IARS1: variants seen among roughly 807,000 people sequenced by gnomAD.
The protein encoded by IARS1 is isoleucyl-tRNA synthetase 1.
Under a neutral mutation model 168.2 loss-of-function variants are expected in IARS1, and 124 were observed. The observed-to-expected ratio is 0.74, with a 90% CI of 0.64 to 0.86. The LOEUF is 0.86. Ranked by LOEUF, IARS1 falls within the 40% of genes least tolerant of loss-of-function variation. The pLI is 0.00. For synonymous variants in IARS1, 532 were observed against 529.4 expected (o/e 1.00, Z -0.07); for missense variants, 1,452 against 1,515.8 (o/e 0.96, Z 0.70).
In IARS1 at chr9:92,268,214, C is replaced by T. The variant is rs1264688669; in HGVS notation, c.1391G>A (p.Gly464Asp). The T allele has an allele frequency of 3.7e-6, 6 of 1,610,408 alleles. No individual in the cohort carries two copies. The highest frequency in any genetic ancestry group is 5.1e-6 in the Non-Finnish European group (6 of 1,179,088). ...DWTISRNRYWGTPIPLWVSDD... is the reference protein window; with the variant it reads ...DWTISRNRYWDTPIPLWVSDD... ...GCTGACCCACAGTGGGATGGGGGTG[C>T]CCCAGTATCTGTTTCTGGAAATTGT... The change falls in exon 14 of 34, where the codon GGC (glycine) becomes GAC (aspartate). Residue 464 changes from glycine to aspartate, a missense_variant. Gly to Asp is a moderately conservative substitution (Grantham distance 94, BLOSUM62 -1). Transcript: ENST00000443024.
intron 13 of IARS1, 120 bp downstream of exon 13, chr9:92,269,765 T>G (rs1252967309): frequency 3.2e-6 from 2 of 629,186 alleles, no homozygotes; most frequent in Non-Finnish European, 5.7e-6. Context: ...GAAGAAAAGA[T>G]AGCTATTACA....
At chr9:92,215,802 T>C (rs1838576452) in intron 33 of IARS1, among the ~76,000 whole-genome samples, 1 of 151,956 alleles carries the variant, frequency 6.6e-6, no homozygotes, top group Middle Eastern at 3.2e-3. Flanking sequence ...CTGACTGGTG[T>C]ACCTGAAAGT....
intron 33 of IARS1, among the ~76,000 whole-genome samples, chr9:92,217,103 C>T (rs1205241316): frequency 6.7e-6 from 1 of 149,898 alleles, no homozygotes; most frequent in Non-Finnish European, 1.5e-5. Flanking sequence ...CAAACTAGAA[C>T]TCAGGATTAA....
intron 33 of IARS1, among the ~76,000 whole-genome samples, chr9:92,215,917 G>A: frequency 6.6e-6 from 1 of 151,694 alleles, no homozygotes; most frequent in Non-Finnish European, 1.5e-5. Flanking sequence ...AGGAAATACA[G>A]AGAACGCCAC....
intron 9 of IARS1, among the ~76,000 whole-genome samples, chr9:92,277,575 T>C (rs1175494578): frequency 6.6e-6 from 1 of 151,328 alleles, no homozygotes; most frequent in Non-Finnish European, 1.5e-5. Flanking sequence ...CTACTCGGGA[T>C]GGGGCAGGGG....
At chr9:92,271,932 A>AT (rs946995060) in intron 10 of IARS1, among the ~76,000 whole-genome samples, 5 of 152,336 alleles carry the variant, frequency 3.3e-5, no homozygotes, top group African/African-American at 9.6e-5. Context: ...ACATACATCA[A>AT]TTTTTTAAGT....
intron 33 of IARS1, among the ~76,000 whole-genome samples, chr9:92,222,076 G>C (rs1038800042): frequency 2.6e-5 from 4 of 152,104 alleles, no homozygotes; most frequent in African/African-American, 9.7e-5. Flanking sequence ...CCAGCACTTT[G>C]GGAGGCCGAG....
intron 9 of IARS1, 54 bp downstream of exon 9, chr9:92,277,809 C>T: frequency 6.9e-7 from 1 of 1,456,604 alleles, no homozygotes; most frequent in East Asian, 2.3e-5. Flanking sequence ...AACACCCCAG[C>T]TATCAAATAA....
chr9:92,289,440 C>T lies in IARS1; in HGVS notation c.-7-14G>A, dbSNP rs1587908750. ...AGCATTTTGTTGCTGCAAAAGAAATCAAATTTATTACTGTCAAAAGAGAAA... is the reference window on the plus strand; with the variant it reads ...AGCATTTTGTTGCTGCAAAAGAAATTAAATTTATTACTGTCAAAAGAGAAA... On this transcript the variant is annotated splice_polypyrimidine_tract_variant and intron_variant, in intron 1 of 33. Coordinates refer to ENST00000443024, the MANE Select transcript of IARS1 (RefSeq NM_002161.6). The T allele has an allele frequency of 9.4e-7, 1 of 1,063,520 alleles. No individual in the cohort carries two copies. Among genetic ancestry groups the T allele is most frequent in the Non-Finnish European group, 1.5e-6 (1 of 681,616 alleles). 65.9% of individuals were successfully genotyped at this position (1,063,520 alleles called of 1,614,324 possible).
chr9:92,274,384 A>G, intron 10 of IARS1, 42 bp downstream of exon 10: 1 of 1,462,606 alleles, frequency 6.8e-7, no homozygotes, highest in South Asian at 1.1e-5. Context: ...AAAAGTGGCT[A>G]CCGACATACT....
At chr9:92,223,244 G>A (rs1040238198) in intron 32 of IARS1, 102 bp downstream of exon 32, 9 of 1,125,236 alleles carry the variant, frequency 8.0e-6, no homozygotes, top group Non-Finnish European at 9.7e-6. Context: ...ACACTTTAAA[G>A]CAATACTTTG....
intron 33 of IARS1, among the ~76,000 whole-genome samples, chr9:92,214,390 T>C (rs1261478560): frequency 6.6e-6 from 1 of 152,038 alleles, no homozygotes; most frequent in Non-Finnish European, 1.5e-5. Flanking sequence ...ACCCTGTCTC[T>C]ACTAAAATTA....
chr9:92,251,191 G>A (rs1829964635), intron 22 of IARS1: 1 of 462,270 alleles, frequency 2.2e-6, no homozygotes, highest in Non-Finnish European at 4.3e-6. Context: ...TTCACAGGAT[G>A]GAGGTGATGA....
rs781282401 is a variant in IARS1 at position 92,271,012 on chromosome 9, A to T, written c.1178T>A (p.Phe393Tyr). The change falls in exon 12 of 34, where the codon TTC becomes TAC. Residue 393 changes from phenylalanine (F) to tyrosine (Y), a missense_variant. Physicochemically the swap from Phe to Tyr is conservative, Grantham distance 22. Transcript: ENST00000443024. ...CCAGCAAAAAGGGTAGCTGTGAGTG[A>T]AGGTGGTGGCAACCAGAAGTCGGCC... ...EQGRLLVATT[F>Y]THSYPFCWRS... 1 of 1,612,220 alleles carries T rather than the reference A, an allele frequency of 6.2e-7. No individual in the cohort carries two copies. Among genetic ancestry groups the T allele is most frequent in the Non-Finnish European group, 8.5e-7 (1 of 1,178,944 alleles).
At chr9:92,268,980 C>T (rs1461460821) in intron 13 of IARS1, among the ~76,000 whole-genome samples, 1 of 152,124 alleles carries the variant, frequency 6.6e-6, no homozygotes, top group Non-Finnish European at 1.5e-5. Context: ...CCAGACCTCC[C>T]CTTCTTCTCT....
intron 20 of IARS1, among the ~76,000 whole-genome samples, chr9:92,254,673 C>T (rs930036498): frequency 2.0e-5 from 3 of 152,164 alleles, no homozygotes; most frequent in Admixed American, 1.3e-4. Flanking sequence ...CTGGTTTCAA[C>T]TCTGAGGGAG....
chr9:92,244,859 G>A lies in IARS1; in HGVS notation c.2904+100C>T, dbSNP rs1053669757. On this transcript the variant is annotated intron_variant, in intron 27 of 33. Transcript: ENST00000443024. ...AAGTAACTGGTTTATTTTACCCTGA[G>A]ACAAGCTGTCAACATTATCAGGAAA... The A allele has an allele frequency of 8.0e-6, 7 of 879,264 alleles. No homozygotes were observed. The African/African-American group carries it at 1.2e-4, about 15-fold the overall frequency. The allele number at this position is 879,264 out of a possible 1,614,324, so 54.5% of individuals were successfully genotyped here.
chr9:92,238,556 T>C (rs1201753877), intron 30 of IARS1, among the ~76,000 whole-genome samples: 1 of 152,248 alleles, frequency 6.6e-6, no homozygotes, highest in East Asian at 1.9e-4. Flanking sequence ...TGTGCCGTGC[T>C]TCTCATACAG....
chr9:92,277,612 T>G (rs1381959318), intron 9 of IARS1, among the ~76,000 whole-genome samples: 1 of 151,492 alleles, frequency 6.6e-6, no homozygotes, highest in Non-Finnish European at 1.5e-5. Flanking sequence ...GAGGTCGAGG[T>G]TGCAGTGAGC....
Sources: allele counts gnomAD v4.1 joint callset (sites outside exome capture counted in the v4.1 genomes callset), GRCh38; gene constraint gnomAD v4.1.1; transcripts MANE v1.5; gene names NCBI Gene and HGNC (gene_info 2026-07-23, HGNC 2026-07-21).